Variants in RP1 observed in about 807,000 individuals in gnomAD.
RP1 encodes oxygen-regulated protein 1.
Under a neutral mutation model 14.8 loss-of-function variants are expected in RP1, and 16 were observed. That is an observed-to-expected ratio of 1.08 (90% confidence interval 0.73 to 1.65). The LOEUF is 1.65. RP1 is among the 40% of genes most tolerant of loss of function. The pLI, the probability that RP1 is intolerant of heterozygous loss-of-function variation, is 0.00. For synonymous variants in RP1, 876 were observed against 883.6 expected (o/e 0.99, Z 0.15); for missense variants, 2,631 against 2,535.0 (o/e 1.04, Z -0.81).
intron 1 of RP1, among the ~76,000 whole-genome samples, chr8:54,581,356 T>C (rs1804787919): frequency 6.6e-6 from 1 of 152,244 alleles, no homozygotes; most frequent in South Asian, 2.1e-4. Context: ...TATGGCTGCA[T>C]AGTATTCCAT....
chr8:54,722,207 CAA>C (rs796358747), intron 16 of RP1, among the ~76,000 whole-genome samples: 103 of 110,270 alleles, frequency 9.3e-4, no homozygotes, highest in Middle Eastern at 5.4e-3. Flanking sequence ...ACTCTAGCTC[CAA>C]AAAAAAAAAA....
chr8:54,772,847 T>C (rs1350738242), downstream of RP1, among the ~76,000 whole-genome samples: 1 of 152,220 alleles, frequency 6.6e-6, no homozygotes. Flanking sequence ...TCTTGTTGTG[T>C]TATTTTTTTA....
chr8:54,562,545 G>C (rs921036169), intron 1 of RP1, among the ~76,000 whole-genome samples: 2 of 151,972 alleles, frequency 1.3e-5, no homozygotes, highest in Admixed American at 6.6e-5. Context: ...GTGGTGGCAG[G>C]CACCTGTAAT....
chr8:54,834,640 G>A (rs1411645734), intron 24 of RP1, among the ~76,000 whole-genome samples: 1 of 150,394 alleles, frequency 6.6e-6, no homozygotes. Context: ...CATTTTTCAT[G>A]TTGTATAATA....
At chr8:54,583,079 G>C in intron 1 of RP1, among the ~76,000 whole-genome samples, 1 of 152,136 alleles carries the variant, frequency 6.6e-6, no homozygotes, top group Non-Finnish European at 1.5e-5. Flanking sequence ...TCTTGTGCCA[G>C]TTTTCAAAGG....
At chr8:54,748,364 C>G (rs1225668421) in intron 19 of RP1, among the ~76,000 whole-genome samples, 1 of 152,164 alleles carries the variant, frequency 6.6e-6, no homozygotes, top group African/African-American at 2.4e-5. Context: ...CTTCTTTTCA[C>G]AAAATCTCCA....
intron 12 of RP1, chr8:54,696,889 C>A (rs570903398): frequency 1.3e-6 from 1 of 782,134 alleles, no homozygotes; most frequent in Non-Finnish European, 2.3e-6. Context: ...AGAATAAGAT[C>A]GTTCTTCTGA....
At chr8:54,639,879 C>T (rs942184029) in intron 3 of RP1, among the ~76,000 whole-genome samples, 4 of 152,134 alleles carry the variant, frequency 2.6e-5, no homozygotes, top group Non-Finnish European at 5.9e-5. Flanking sequence ...CACGCATTTT[C>T]TCCTAGTGTA....
At chr8:54,695,874 C>T (rs1289869036) in intron 12 of RP1, among the ~76,000 whole-genome samples, 1 of 151,998 alleles carries the variant, frequency 6.6e-6, no homozygotes, top group Non-Finnish European at 1.5e-5. Flanking sequence ...TTATGAGATC[C>T]TAAGTCTTAA....
At chr8:54,566,293 G>A (rs140858568) in intron 1 of RP1, among the ~76,000 whole-genome samples, 14 of 152,150 alleles carry the variant, frequency 9.2e-5, no homozygotes, top group East Asian at 5.8e-4. Flanking sequence ...AATCAGTGTC[G>A]TCCTGATAAG....
chr8:54,607,366 G>C (rs574558726), intron 1 of RP1, among the ~76,000 whole-genome samples: 2 of 152,318 alleles, frequency 1.3e-5, no homozygotes, highest in African/African-American at 4.8e-5. Context: ...GTGGATATTG[G>C]TGAACAGCAA....
chr8:54,844,618 A>T (rs558827646), intron 25 of RP1, among the ~76,000 whole-genome samples: 75 of 152,328 alleles, frequency 4.9e-4, no homozygotes, highest in African/African-American at 1.8e-3. Context: ...GTGCATGTGT[A>T]GACATGCTTG....
At chr8:54,755,636 G>T in exon 21 of RP1, 1 of 1,535,976 alleles carries the variant, frequency 6.5e-7, no homozygotes, top group Non-Finnish European at 8.7e-7. Flanking sequence ...ATACCAGGTT[G>T]ACGTCTACAC....
At chr8:54,843,849 G>A (rs2129405438) in intron 25 of RP1, among the ~76,000 whole-genome samples, 1 of 152,296 alleles carries the variant, frequency 6.6e-6, no homozygotes, top group East Asian at 1.9e-4. Context: ...GGCACCTGAG[G>A]AGTCCCTGGG....
intron 23 of RP1, among the ~76,000 whole-genome samples, chr8:54,775,095 A>T (rs1810001203): frequency 6.6e-6 from 1 of 152,080 alleles, no homozygotes; most frequent in Non-Finnish European, 1.5e-5. Flanking sequence ...ATGTCTCCAG[A>T]CATCAACAAA....
chr8:54,678,728 T>A (rs1807357195), intron 9 of RP1, among the ~76,000 whole-genome samples: 1 of 152,166 alleles, frequency 6.6e-6, no homozygotes, highest in Non-Finnish European at 1.5e-5. Context: ...TCATTCCTAA[T>A]GATAGAAATT....
chr8:54,721,083 A>T (rs1284311126), intron 16 of RP1, among the ~76,000 whole-genome samples: 2 of 152,222 alleles, frequency 1.3e-5, no homozygotes. Context: ...TGTATATATA[A>T]TATCCCACAG....
At chr8:54,770,558 A>G (rs1809876486), downstream of RP1, among the ~76,000 whole-genome samples, 1 of 146,754 alleles carries the variant, frequency 6.8e-6, no homozygotes, top group African/African-American at 2.5e-5. Flanking sequence ...TCATGGTTTT[A>G]GGCAATTTGA....
chr8:54,760,996 A>C (rs1809625156), intron 22 of RP1, among the ~76,000 whole-genome samples: 1 of 152,190 alleles, frequency 6.6e-6, no homozygotes, highest in Non-Finnish European at 1.5e-5. Context: ...CACCCACAGC[A>C]CACAGGCATC....
Sources: gnomAD v4.1 joint callset for allele counts (sites outside exome capture counted in the v4.1 genomes callset) on GRCh38, gnomAD v4.1.1 for gene constraint, MANE v1.5 for transcripts, NCBI Gene and HGNC (gene_info 2026-07-23, HGNC 2026-07-21) for gene names.